Variants in YPEL2 observed in about 807,000 individuals in gnomAD.
YPEL2 encodes the protein protein yippee-like 2.
In YPEL2, 2 loss-of-function variants were observed where a neutral mutation model predicts 19.1. That is an observed-to-expected ratio of 0.10 (90% CI 0.04 to 0.33). The LOEUF (loss-of-function observed/expected upper bound fraction) is 0.33. Ranked by LOEUF, YPEL2 falls within the 10% of genes least tolerant of loss-of-function variation. The pLI is 1.00. For synonymous variants in YPEL2, 52 were observed against 50.0 expected (o/e 1.04, Z -0.17); for missense variants, 66 against 140.7 (o/e 0.47, Z 2.68).
At chr17:59,346,004 C>T (rs1420019968) in intron 1 of YPEL2, among the ~76,000 whole-genome samples, 1 of 152,182 alleles carries the variant, frequency 6.6e-6, no homozygotes, top group Non-Finnish European at 1.5e-5. Context: ...ACACTGCTGC[C>T]CACCTCTCTC....
intron 2 of YPEL2, among the ~76,000 whole-genome samples, chr17:59,378,786 T>A (rs1203426485): frequency 6.6e-6 from 1 of 152,212 alleles, no homozygotes. Context: ...GCCAGTGGCT[T>A]CCCTGCCCCT....
At position 59,388,277 on chromosome 17, in the gene YPEL2, AGATAGGTGAAATG is replaced by A. The variant is rs759901387; in HGVS notation, c.118-46_118-34del. The A allele has an allele frequency of 5.0e-5, 80 of 1,603,170 alleles. 1 individual carries two copies. In the African/African-American group the frequency reaches 9.6e-4, roughly 19 times the overall value. On this transcript the variant is annotated intron_variant, in intron 2 of 4. Transcript: ENST00000312655. ...TGTGATTGGGGTTGGTTTCCCAAAC[AGATAGGTGAAATG>A]GATGTCTAACTATCGATTTGTTTTC...
chr17:59,333,570 A>G (rs1004688864), intron 1 of YPEL2, among the ~76,000 whole-genome samples: 2 of 152,178 alleles, frequency 1.3e-5, no homozygotes, highest in African/African-American at 4.8e-5. Context: ...TCAGAGAACA[A>G]TAATTACCCT....
chr17:59,393,703 G>A (rs1015254881), intron 4 of YPEL2, among the ~76,000 whole-genome samples: 1 of 147,838 alleles, frequency 6.8e-6, no homozygotes, highest in Admixed American at 6.8e-5. Context: ...AGATTAGGGA[G>A]TGGTGATGAC....
At position 59,397,351 on chromosome 17, in the gene YPEL2, C is replaced by G. The variant is rs936700189; in HGVS notation, c.*161C>G. ...ACGCCATCTTTCTGGTGACCGGCCT[C>G]TAAATCGCTGTCTCTCTGTCTCTTT... On this transcript the variant is annotated 3_prime_UTR_variant, in exon 5 of 5. Transcript: ENST00000312655. 1 of 466,054 alleles carries G rather than the reference C, an allele frequency of 2.1e-6. No individual in the cohort carries two copies. The highest frequency in any genetic ancestry group is 3.9e-6 in the Non-Finnish European group (1 of 258,684). The allele number at this position is 466,054 out of a possible 1,614,324, so 28.9% of individuals were successfully genotyped here.
At chr17:59,342,565 A>G (rs894698728) in intron 1 of YPEL2, among the ~76,000 whole-genome samples, 1 of 152,200 alleles carries the variant, frequency 6.6e-6, no homozygotes, top group Non-Finnish European at 1.5e-5. Context: ...GGGGACAGAA[A>G]GATGGACCAG....
intron 4 of YPEL2, among the ~76,000 whole-genome samples, chr17:59,395,681 C>G (rs1288208654): frequency 6.6e-6 from 1 of 152,116 alleles, no homozygotes; most frequent in Non-Finnish European, 1.5e-5. Context: ...ACACATCTGA[C>G]ATAGAAGCAG....
intron 1 of YPEL2, among the ~76,000 whole-genome samples, chr17:59,337,564 G>GTGGAAAT (rs2147932749): frequency 1.3e-5 from 2 of 152,176 alleles, no homozygotes; most frequent in South Asian, 4.1e-4. Flanking sequence ...TTTTTCTTTT[G>GTGGAAAT]TGGAAATTGG....
chr17:59,401,140 A>G lies in YPEL2; in HGVS notation c.*3950A>G, dbSNP rs1301819432. 1.3e-5 allele frequency: 2 copies of G among 151,816 alleles called. No individual in the cohort carries two copies. The highest frequency in any genetic ancestry group is 2.9e-5 in the Non-Finnish European group (2 of 67,998). 9.4% of individuals were successfully genotyped at this position (151,816 alleles called of 1,614,324 possible). On this transcript the variant is annotated 3_prime_UTR_variant, in exon 5 of 5. Coordinates refer to ENST00000312655, the MANE Select transcript of YPEL2 (RefSeq NM_001005404.4). ...TAAAAGAACATTAATATTATAATAC[A>G]CATATCTTAGTGGTAAACAGCTTTT...
chr17:59,397,408 T>G lies in YPEL2; in HGVS notation c.*218T>G, dbSNP rs1240922248. 1 of 386,568 alleles carries G rather than the reference T, an allele frequency of 2.6e-6. No homozygotes were observed. Among genetic ancestry groups the G allele is most frequent in the Non-Finnish European group, 4.6e-6 (1 of 215,596 alleles). The allele number at this position is 386,568 out of a possible 1,614,324, so 23.9% of individuals were successfully genotyped here. A position where few individuals can be genotyped will look rare whatever the true frequency, so the allele number is the denominator to read the frequency against. ...TATCTGTTTGTGAGTTGATCCTGGC[T>G]TCTCTCTCTGTTCTAGTTTTGGCTG... is the stretch of plus-strand genomic sequence containing the variant. On this transcript the variant is annotated 3_prime_UTR_variant, in exon 5 of 5. Coordinates refer to ENST00000312655, the MANE Select transcript of YPEL2 (RefSeq NM_001005404.4).
chr17:59,392,940 G>A (rs568739636), intron 4 of YPEL2, among the ~76,000 whole-genome samples: 65 of 152,106 alleles, frequency 4.3e-4, no homozygotes, highest in Non-Finnish European at 8.8e-4. Flanking sequence ...GTGAGCCACC[G>A]CACCTGGCCC....
At chr17:59,348,063 T>C (rs921981921) in intron 1 of YPEL2, among the ~76,000 whole-genome samples, 1 of 152,214 alleles carries the variant, frequency 6.6e-6, no homozygotes, top group African/African-American at 2.4e-5. Flanking sequence ...CTAGAACCCC[T>C]GTGGAGGTTG....
intron 4 of YPEL2, among the ~76,000 whole-genome samples, chr17:59,394,681 C>T (rs1382798526): frequency 3.3e-5 from 5 of 151,862 alleles, no homozygotes; most frequent in East Asian, 1.9e-4. Flanking sequence ...ACTTCCCAGA[C>T]GGGGTGGCGG....
rs141523870 is a variant in YPEL2, at chr17:59,378,122, G to C, written c.118-10205G>C. ...CTCCAAAGCCGGCATCCTTTCCCTT[G>C]AACATCAGGCAACACGACACCATGA... On this transcript the variant is annotated intron_variant, in intron 2 of 4. Coordinates refer to ENST00000312655, the MANE Select transcript of YPEL2 (RefSeq NM_001005404.4). Among the ~76,000 whole-genome samples, 3 of 152,098 alleles carry C rather than the reference G, an allele frequency of 2.0e-5. No homozygotes were observed. The East Asian group carries it at 5.8e-4, about 30-fold the overall frequency.
At chr17:59,332,697 C>T (rs767492394) in intron 1 of YPEL2, among the ~76,000 whole-genome samples, 1 of 152,168 alleles carries the variant, frequency 6.6e-6, no homozygotes, top group Non-Finnish European at 1.5e-5. Context: ...GTCTTAGCTG[C>T]GAGAGTTTAA....
chr17:59,356,178 G>GA (rs901009598), intron 2 of YPEL2: 2 of 151,888 alleles, frequency 1.3e-5, no homozygotes, highest in Admixed American at 6.6e-5. Context: ...TGCAGTTTCA[G>GA]AATCTGCCCA....
At chr17:59,396,950 G>T (rs557872422) in intron 4 of YPEL2, 151 bp from the exon 5 acceptor site, 51 of 484,380 alleles carry the variant, frequency 1.1e-4, no homozygotes, top group Admixed American at 5.2e-4. Context: ...AGAATCGCTC[G>T]AACCTGGGAG....
At chr17:59,378,313 G>T (rs2047932271) in intron 2 of YPEL2, among the ~76,000 whole-genome samples, 1 of 150,264 alleles carries the variant, frequency 6.7e-6, no homozygotes, top group Non-Finnish European at 1.5e-5. Context: ...TTGAAAGTCT[G>T]ATCATTAAAT....
intron 1 of YPEL2, among the ~76,000 whole-genome samples, chr17:59,349,358 CTTTTTTTTTTTTTT>C (rs58304283): frequency 1.7e-5 from 2 of 119,212 alleles, no homozygotes; most frequent in African/African-American, 6.6e-5. Flanking sequence ...CCTTTTTTTT[CTTTTTTTTTTTTTT>C]TTTTTTGTTG....
Sources: gnomAD v4.1 joint callset for allele counts (sites outside exome capture counted in the v4.1 genomes callset) on GRCh38, gnomAD v4.1.1 for gene constraint, MANE v1.5 for transcripts, NCBI Gene and HGNC (gene_info 2026-07-23, HGNC 2026-07-21) for gene names.